Variants in GLIS3 observed in about 807,000 individuals in gnomAD.
GLIS3 encodes GLIS family zinc finger 3, also known as zinc finger protein GLIS3.
GLIS3 carries 53 observed loss-of-function variants against 78.6 expected under a neutral mutation model. The ratio of observed to expected loss-of-function variants is 0.67; its 90% CI spans 0.54 to 0.85. The LOEUF (loss-of-function observed/expected upper bound fraction) is 0.85, where lower values mean the gene tolerates loss of function less well. Among genes scored for constraint, GLIS3 ranks in the 40% least tolerant of loss-of-function variants. The probability of loss-of-function intolerance (pLI) is 0.00; values close to 1 mark genes in which losing one functional copy is unlikely to be tolerated. For missense variants in GLIS3, 1,703 were observed against 1,231.1 expected (o/e 1.38, Z -5.74); for synonymous variants, 684 against 509.9 (o/e 1.34, Z -4.60).
intron 2 of GLIS3, among the ~76,000 whole-genome samples, chr9:4,235,913 T>C (rs1217695945): frequency 6.6e-6 from 1 of 152,074 alleles, no homozygotes; most frequent in Non-Finnish European, 1.5e-5. Context: ...CTTTTTCAAA[T>C]GGTGCCAACT....
the GLIS3 span, among the ~76,000 whole-genome samples, chr9:4,415,819 G>A: frequency 2.0e-5 from 3 of 150,930 alleles, no homozygotes; most frequent in Admixed American, 1.3e-4. Context: ...TATTAATTAG[G>A]TTTTATACCA....
intron 4 of GLIS3, among the ~76,000 whole-genome samples, chr9:4,031,620 G>C (rs1050070908): frequency 2.6e-5 from 4 of 152,160 alleles, no homozygotes; most frequent in Non-Finnish European, 5.9e-5. Context: ...ACTTAAAAAT[G>C]ATTAATTTTA....
chr9:4,455,245 T>G, the GLIS3 span, among the ~76,000 whole-genome samples: 1 of 152,252 alleles, frequency 6.6e-6, no homozygotes, highest in Non-Finnish European at 1.5e-5. Flanking sequence ...AAATCATGGC[T>G]AGCATGAGAT....
At chr9:4,375,343 T>C in the GLIS3 span, among the ~76,000 whole-genome samples, 1 of 151,988 alleles carries the variant, frequency 6.6e-6, no homozygotes, top group Non-Finnish European at 1.5e-5. Context: ...AGGTTGAGAG[T>C]GTGGGTACAG....
intron 2 of GLIS3, among the ~76,000 whole-genome samples, chr9:4,244,854 G>A (rs1823651357): frequency 6.6e-6 from 1 of 152,152 alleles, no homozygotes; most frequent in South Asian, 2.1e-4. Flanking sequence ...GAGATTACAG[G>A]TGTAAGCCAC....
intron 2 of GLIS3, among the ~76,000 whole-genome samples, chr9:4,128,334 AG>A (rs1832726526): frequency 6.6e-6 from 1 of 152,214 alleles, no homozygotes; most frequent in Admixed American, 6.5e-5. Flanking sequence ...ATAGTGCTTC[AG>A]GGAACTAAAC....
chr9:3,899,635 A>G (rs930893640), intron 6 of GLIS3, among the ~76,000 whole-genome samples: 2 of 152,242 alleles, frequency 1.3e-5, no homozygotes, highest in African/African-American at 4.8e-5. Context: ...AAATATTGCA[A>G]ATGGTAATCA....
chr9:4,248,860 T>C (rs141513964), intron 2 of GLIS3, among the ~76,000 whole-genome samples: 13 of 152,298 alleles, frequency 8.5e-5, no homozygotes, highest in African/African-American at 3.1e-4. Flanking sequence ...ATTTTTTTCA[T>C]GTTTGTTGGC....
chr9:4,252,915 C>T (rs1040737852), intron 2 of GLIS3, among the ~76,000 whole-genome samples: 31 of 152,208 alleles, frequency 2.0e-4, no homozygotes, highest in Admixed American at 1.6e-3. Context: ...ACTCCAGACC[C>T]TGTTTGCCTG....
chr9:4,375,774 A>AACATATAAAATAT, the GLIS3 span, among the ~76,000 whole-genome samples: 1 of 152,238 alleles, frequency 6.6e-6, no homozygotes, highest in Admixed American at 6.5e-5. Context: ...CGAGTGGGAA[A>AACATATAAAATAT]GTTTTAGAAC....
intron 4 of GLIS3, 58 bp downstream of exon 4, chr9:4,117,710 G>A (rs1359022040): frequency 1.9e-6 from 3 of 1,603,458 alleles, no homozygotes; most frequent in Admixed American, 1.7e-5. Context: ...AAAAACACAC[G>A]TACGCAAAGC....
At chr9:4,077,566 T>C (rs1322721704) in intron 4 of GLIS3, among the ~76,000 whole-genome samples, 1 of 152,226 alleles carries the variant, frequency 6.6e-6, no homozygotes, top group African/African-American at 2.4e-5. Context: ...AAACCCTGGG[T>C]TGGCCGTTAA....
chr9:4,462,961 T>C, the GLIS3 span, among the ~76,000 whole-genome samples: 1 of 152,210 alleles, frequency 6.6e-6, no homozygotes, highest in Middle Eastern at 3.2e-3. Context: ...AGGAACACTT[T>C]ATGTAAAATT....
chr9:3,977,634 T>A lies in GLIS3; in HGVS notation c.1711-40445A>T, dbSNP rs1427880025. 6.6e-6 allele frequency among the ~76,000 whole-genome samples: 1 copy of A among 152,200 alleles called. No individual in the cohort carries two copies. Among genetic ancestry groups the A allele is most frequent in the Non-Finnish European group, 1.5e-5 (1 of 68,028 alleles). The stretch of plus-strand genomic sequence containing the variant: ...GTCACTCCGATTTTAATTAGACGGC[T>A]TAAAGCAGCCACATCAATAATGGCA... On this transcript the variant is annotated intron_variant, in intron 4 of 10. Coordinates refer to ENST00000381971, the MANE Select transcript of GLIS3 (RefSeq NM_001042413.2). The surrounding 1 kb of genome is among the most constrained non-coding windows in gnomAD (Gnocchi z 4.1).
At chr9:4,057,663 A>C (rs141918756) in intron 4 of GLIS3, among the ~76,000 whole-genome samples, 13 of 152,284 alleles carry the variant, frequency 8.5e-5, no homozygotes, top group African/African-American at 3.1e-4. Context: ...ATAAAAAAGA[A>C]AGAAAGGTCA....
chr9:4,150,627 T>G (rs1405933859), intron 2 of GLIS3, among the ~76,000 whole-genome samples: 5 of 152,188 alleles, frequency 3.3e-5, no homozygotes, highest in African/African-American at 4.8e-5. Context: ...TAAACCAGAA[T>G]AGATGATGAA....
chr9:4,349,380 A>G (rs1247849847), upstream of GLIS3, among the ~76,000 whole-genome samples: 2 of 152,212 alleles, frequency 1.3e-5, no homozygotes, highest in African/African-American at 4.8e-5. Flanking sequence ...ATGTTCCTAT[A>G]TTTACTTAAT....
intron 2 of GLIS3, among the ~76,000 whole-genome samples, chr9:4,197,130 A>G (rs1434357454): frequency 1.3e-5 from 2 of 152,096 alleles, no homozygotes; most frequent in East Asian, 3.9e-4. Flanking sequence ...CTGTGCATAG[A>G]TTGTGGTGCA....
At chr9:4,087,515 C>T (rs1829134476) in intron 4 of GLIS3, among the ~76,000 whole-genome samples, 1 of 152,146 alleles carries the variant, frequency 6.6e-6, no homozygotes, top group South Asian at 2.1e-4. Context: ...AATACCCCAA[C>T]TAGAGTCTTT....
Sources: allele counts gnomAD v4.1 joint callset (sites outside exome capture counted in the v4.1 genomes callset), GRCh38; gene constraint gnomAD v4.1.1; non-coding constraint Gnocchi (gnomAD v3.1); transcripts MANE v1.5; gene names NCBI Gene and HGNC (gene_info 2026-07-23, HGNC 2026-07-21).